RXFP2: variants seen among roughly 807,000 people sequenced by gnomAD.
The protein encoded by RXFP2 is relaxin receptor 2.
Under a neutral mutation model 88.6 loss-of-function variants are expected in RXFP2, and 68 were observed. The observed-to-expected ratio is 0.77, with a 90% CI of 0.63 to 0.94. RXFP2 has a LOEUF of 0.94. RXFP2 is among the 40% of genes least tolerant of loss of function. The pLI, the probability that RXFP2 is intolerant of heterozygous loss-of-function variation, is 0.00. For missense variants in RXFP2, 791 were observed against 893.9 expected (o/e 0.88, Z 1.47); for synonymous variants, 329 against 306.8 (o/e 1.07, Z -0.76).
At chr13:31,793,517 A>G (rs1227103787) in intron 16 of RXFP2, among the ~76,000 whole-genome samples, 1 of 152,038 alleles carries the variant, frequency 6.6e-6, no homozygotes, top group Non-Finnish European at 1.5e-5. Flanking sequence ...ATCTGAATGG[A>G]AATACCAGGA....
At position 31,769,382 on chromosome 13, in the gene RXFP2, C is replaced by T. The variant is rs138864532; in HGVS notation, c.497+3355C>T. On this transcript the variant is annotated intron_variant, in intron 5 of 17. Coordinates refer to ENST00000298386, the MANE Select transcript of RXFP2 (RefSeq NM_130806.5). ...ACACATCTAATTGGTCTTCTACATA[C>T]GTCTACAGGTATTTAAGACTAGCTA... 9.0e-4 allele frequency among the ~76,000 whole-genome samples: 137 copies of T among 152,254 alleles called. 2 individuals carry two copies. In the East Asian group the frequency reaches 0.021, roughly 23 times the overall value.
intron 13 of RXFP2, among the ~76,000 whole-genome samples, chr13:31,788,706 G>C (rs1185500920): frequency 3.3e-5 from 5 of 152,142 alleles, no homozygotes. Flanking sequence ...AGGAAGAAAT[G>C]ATCATATTTA....
chr13:31,746,568 G>A (rs1296633875), intron 1 of RXFP2, among the ~76,000 whole-genome samples: 3 of 152,086 alleles, frequency 2.0e-5, no homozygotes, highest in Non-Finnish European at 4.4e-5. Context: ...AAACTCATAA[G>A]ACAAATGGCT....
intron 3 of RXFP2, among the ~76,000 whole-genome samples, chr13:31,762,802 C>T (rs1033999957): frequency 6.6e-6 from 1 of 151,540 alleles, no homozygotes; most frequent in African/African-American, 2.4e-5. Flanking sequence ...TAAATATAAC[C>T]AAAAGTTCTA....
At chr13:31,759,398 A>AAAGAAAGAAAGAAAGAAAGAAAGAAAG (rs1872162254) in intron 2 of RXFP2, among the ~76,000 whole-genome samples, 1 of 147,394 alleles carries the variant, frequency 6.8e-6, no homozygotes, top group Non-Finnish European at 1.5e-5. Context: ...AGAAAGAAAG[A>AAAGAAAGAAAGAAAGAAAGAAAGAAAG]AAGAAAGAAA....
rs1413092022 is a variant in RXFP2 at position 31,777,457 on chromosome 13, C to A, written c.713+10C>A. On this transcript the variant is annotated intron_variant, in intron 8 of 17. Coordinates refer to ENST00000298386, the MANE Select transcript of RXFP2 (RefSeq NM_130806.5). ...ATTCCTTGTTTTTCCTGTAAGTATT[C>A]ATCAACCTTTCAATACATCTATCGA... 2.5e-6 allele frequency: 4 copies of A among 1,579,898 alleles called. No individual in the cohort carries two copies. Among genetic ancestry groups the A allele is most frequent in the Non-Finnish European group, 3.5e-6 (4 of 1,150,624 alleles).
At chr13:31,774,718 G>T (rs1480962833) in intron 6 of RXFP2, 27 bp downstream of exon 6, 1 of 1,208,546 alleles carries the variant, frequency 8.3e-7, no homozygotes, top group Admixed American at 1.7e-5. Context: ...TCATATTGTA[G>T]GTATAATTTT....
chr13:31,796,120 G>A, intron 16 of RXFP2, among the ~76,000 whole-genome samples: 1 of 129,574 alleles, frequency 7.7e-6, no homozygotes, highest in East Asian at 2.5e-4. Context: ...CGCAATCTCG[G>A]CTCACTGCAA....
intron 11 of RXFP2, 42 bp downstream of exon 11, chr13:31,782,789 C>T (rs772899121): frequency 7.1e-6 from 9 of 1,264,568 alleles, no homozygotes; most frequent in East Asian, 7.0e-5. Context: ...TTGCTTCTTC[C>T]GAGATTATAA....
Position 31,792,751 on chromosome 13 carries a change from G to A in RXFP2, c.1449G>A (p.Gln483=). The A allele has an allele frequency of 6.2e-7, 1 of 1,614,156 alleles. No homozygotes were observed. Among genetic ancestry groups the A allele is most frequent in the Non-Finnish European group, 8.5e-7 (1 of 1,180,024 alleles). The change falls in exon 16 of 18, where the codon CAG becomes CAA. Residue 483 remains glutamine, a synonymous_variant. Transcript: ENST00000298386. ...ATATAAAATACCGAGGGCAGTATCAGAAGTATGCCTTGCTGTGGATGGAGA... is the reference window on the plus strand; with the variant it reads ...ATATAAAATACCGAGGGCAGTATCAAAAGTATGCCTTGCTGTGGATGGAGA... ...IFDIKYRGQY[Q]KYALLWMESV... is the part of the protein sequence containing the mutation.
chr13:31,798,659 C>T (rs1477221869), intron 17 of RXFP2, among the ~76,000 whole-genome samples: 1 of 152,166 alleles, frequency 6.6e-6, no homozygotes, highest in African/African-American at 2.4e-5. Context: ...GGAACAAAGT[C>T]CAAGTGCTGG....
intron 14 of RXFP2, 40 bp from the exon 15 acceptor site, chr13:31,791,766 C>A: frequency 7.3e-7 from 1 of 1,371,736 alleles, no homozygotes; most frequent in Non-Finnish European, 1.0e-6. Context: ...GGTTCTGTAT[C>A]ATTGCTGCAA....
intron 1 of RXFP2, among the ~76,000 whole-genome samples, chr13:31,755,757 AAT>A (rs1236966624): frequency 2.0e-5 from 3 of 152,208 alleles, no homozygotes; most frequent in Admixed American, 2.0e-4. Flanking sequence ...GTCTTCCTAA[AAT>A]AGTCACAGAC....
intron 2 of RXFP2, among the ~76,000 whole-genome samples, chr13:31,759,432 A>AGAAAGAAAGAAT: frequency 6.6e-6 from 1 of 151,340 alleles, no homozygotes; most frequent in Non-Finnish European, 1.5e-5. Context: ...AAAGAAAGAA[A>AGAAAGAAAGAAT]GAAAGAAAGA....
At position 31,779,539 on chromosome 13, in the gene RXFP2, T is replaced by C. The variant is rs576795654; in HGVS notation, c.785+956T>C. Among the ~76,000 whole-genome samples, 4 of 152,298 alleles carry C rather than the reference T, an allele frequency of 2.6e-5. 1 individual carries two copies. In the East Asian group the frequency reaches 7.7e-4, roughly 29 times the overall value. The stretch of plus-strand genomic sequence containing the variant: ...AACCATTTCCACTCCTTGTTAGCTT[T>C]TAACCAATACCTGTTTAAAACATTC... On this transcript the variant is annotated intron_variant, in intron 9 of 17. Coordinates refer to ENST00000298386, the MANE Select transcript of RXFP2 (RefSeq NM_130806.5).
intron 17 of RXFP2, among the ~76,000 whole-genome samples, chr13:31,798,599 A>G (rs1874169963): frequency 6.6e-6 from 1 of 152,118 alleles, no homozygotes; most frequent in South Asian, 2.1e-4. Flanking sequence ...TTACACCCTA[A>G]CCTTTCAAAT....
chr13:31,790,777 T>C (rs868706471), intron 14 of RXFP2, among the ~76,000 whole-genome samples: 9 of 152,140 alleles, frequency 5.9e-5, no homozygotes, highest in African/African-American at 2.2e-4. Context: ...TGGAGTGAAG[T>C]GACATTTGAG....
intron 3 of RXFP2, 108 bp downstream of exon 3, chr13:31,761,909 A>T: frequency 4.1e-6 from 3 of 724,592 alleles, no homozygotes; most frequent in Non-Finnish European, 2.4e-6. Flanking sequence ...TTTCCGTTTT[A>T]GTTCAATGTA....
At chr13:31,751,558 CATACACT>C (rs1297157427) in intron 1 of RXFP2, among the ~76,000 whole-genome samples, 8 of 152,304 alleles carry the variant, frequency 5.3e-5, no homozygotes. Context: ...CCTGCCCAAA[CATACACT>C]GCAGCCTGGG....
Sources: gnomAD v4.1 joint callset for allele counts (sites outside exome capture counted in the v4.1 genomes callset) on GRCh38, gnomAD v4.1.1 for gene constraint, MANE v1.5 for transcripts, NCBI Gene and HGNC (gene_info 2026-07-23, HGNC 2026-07-21) for gene names.